The following PLEKHG4B variants were observed in gnomAD, a reference collection of about 807,000 sequenced individuals.
PLEKHG4B encodes the protein pleckstrin homology domain-containing family G member 4B.
In PLEKHG4B, 111 loss-of-function variants were observed where a neutral mutation model predicts 121.3. That is an observed-to-expected ratio of 0.92 (90% CI 0.78 to 1.07). PLEKHG4B has a LOEUF of 1.07. PLEKHG4B is among the 50% of genes least tolerant of loss of function. PLEKHG4B has a pLI of 0.00. For missense variants in PLEKHG4B, 1,831 were observed against 1,757.8 expected (o/e 1.04, Z -0.74); for synonymous variants, 738 against 725.0 (o/e 1.02, Z -0.29).
chr5:181,576 C>T lies in PLEKHG4B; in HGVS notation c.4465C>T (p.Pro1489Ser), dbSNP rs529355096. 6.2e-7 allele frequency: 1 copy of T among 1,614,126 alleles called. No individual in the cohort carries two copies. Among genetic ancestry groups the T allele is most frequent in the East Asian group, 2.2e-5 (1 of 44,890 alleles). Residue 1489 changes from proline (P) to serine (S), a missense_variant, in exon 19 of 20, where the codon CCC becomes TCC. By Grantham distance (74) the Pro-to-Ser change is moderately conservative. Transcript: ENST00000637938. ...CAACCAGCCATTCATGGATGTCAAG[C>T]CCAGAGACCGGACCCCTGACTGTGC... Reference protein sequence around the residue: ...IGNQPFMDVKPRDRTPDCAVI... With the variant: ...IGNQPFMDVKSRDRTPDCAVI...
chr5:96,749 C>T (rs921325329), intron 1 of PLEKHG4B, among the ~76,000 whole-genome samples: 2 of 152,104 alleles, frequency 1.3e-5, no homozygotes, highest in African/African-American at 4.8e-5. Flanking sequence ...AAGATACCTT[C>T]TCCCCAAAAG....
In PLEKHG4B at chr5:92,821, G is replaced by T. The variant is rs113740316; in HGVS notation, c.45+545G>T. ...CGGTGGGACAGAACAGTGATCTGTG[G>T]TGGCCCGGAACAAAGAGAATTTTTA... On this transcript the variant is annotated intron_variant, in intron 1 of 19. Transcript: ENST00000637938. Among the ~76,000 whole-genome samples, 266 of 152,250 alleles carry T rather than the reference G, an allele frequency of 1.7e-3. 1 individual carries two copies. Among genetic ancestry groups the T allele is most frequent in the African/African-American group, 5.8e-3 (239 of 41,520 alleles).
intron 1 of PLEKHG4B, among the ~76,000 whole-genome samples, chr5:98,566 C>A (rs985862907): frequency 1.4e-5 from 2 of 148,038 alleles, no homozygotes; most frequent in African/African-American, 5.0e-5. Context: ...TCCCAAGTAG[C>A]TGGGACTACA....
intron 2 of PLEKHG4B, among the ~76,000 whole-genome samples, chr5:131,572 A>G (rs1734779787): frequency 1.3e-5 from 2 of 152,202 alleles, no homozygotes; most frequent in Non-Finnish European, 2.9e-5. Flanking sequence ...CGCAGTAAAC[A>G]TACGTGTGCA....
intron 2 of PLEKHG4B, among the ~76,000 whole-genome samples, chr5:134,765 CAAA>C (rs147226236): frequency 2.4e-5 from 2 of 84,610 alleles, no homozygotes; most frequent in Admixed American, 1.4e-4. Flanking sequence ...GACTCTGTCT[CAAA>C]AAAAAAAAAA....
intron 1 of PLEKHG4B, among the ~76,000 whole-genome samples, chr5:108,119 C>T (rs963696344): frequency 6.6e-6 from 1 of 152,138 alleles, no homozygotes. Context: ...TTATGGGAAT[C>T]GGAAAACCAT....
intron 16 of PLEKHG4B, among the ~76,000 whole-genome samples, chr5:171,703 T>C (rs1736559991): frequency 1.3e-5 from 2 of 152,194 alleles, no homozygotes; most frequent in African/African-American, 4.8e-5. Context: ...TGGCAGATGT[T>C]GGCTGCCGTT....
chr5:143,902 C>T (rs1432182105), intron 5 of PLEKHG4B, among the ~76,000 whole-genome samples: 2 of 152,152 alleles, frequency 1.3e-5, no homozygotes, highest in Non-Finnish European at 2.9e-5. Flanking sequence ...TCAGTTAATC[C>T]TGGAGTTAGA....
chr5:146,053 C>T (rs10214079), intron 6 of PLEKHG4B, among the ~76,000 whole-genome samples: 27,870 of 150,726 alleles, frequency 0.18, 3,510 homozygotes, highest in African/African-American at 0.36. Flanking sequence ...CCTCCCTCCT[C>T]TCCCCCTCCA....
intron 3 of PLEKHG4B, among the ~76,000 whole-genome samples, chr5:142,594 ACAAT>A (rs1735251652): frequency 6.6e-6 from 1 of 151,888 alleles, no homozygotes; most frequent in Non-Finnish European, 1.5e-5. Flanking sequence ...CATGCCTCAC[ACAAT>A]CACACTCCAG....
intron 1 of PLEKHG4B, among the ~76,000 whole-genome samples, chr5:109,937 G>A (rs1734087740): frequency 6.6e-6 from 1 of 151,790 alleles, no homozygotes; most frequent in South Asian, 2.1e-4. Flanking sequence ...CAACACACGT[G>A]CACACACCCA....
chr5:168,015 C>G (rs1326006260), intron 13 of PLEKHG4B, among the ~76,000 whole-genome samples: 1 of 152,200 alleles, frequency 6.6e-6, no homozygotes, highest in East Asian at 1.9e-4. Context: ...CCACACTGGC[C>G]AGCCCACCTC....
At position 143,441 on chromosome 5, in the gene PLEKHG4B, C is replaced by T. The variant is rs775149226; in HGVS notation, c.1749C>T (p.Thr583=). 2 of 1,612,794 alleles carry T rather than the reference C, an allele frequency of 1.2e-6. No individual in the cohort carries two copies. The highest frequency in any genetic ancestry group is 1.3e-5 in the African/African-American group (1 of 74,926). ...TCCGCACCAGGAGCCTGCTCTGGAC[C>T]AGGGAACACTCGTCCTGTGCTGAGC... ...VQVRTRSLLW[T]REHSSCAELT... is the part of the protein sequence containing the mutation. The change falls in exon 5 of 20, where the codon ACC becomes ACT. Residue 583 remains threonine, a synonymous_variant. Coordinates refer to ENST00000637938, the MANE Select transcript of PLEKHG4B (RefSeq NM_052909.5).
At chr5:148,147 C>T (rs542886120) in intron 6 of PLEKHG4B, among the ~76,000 whole-genome samples, 8 of 151,912 alleles carry the variant, frequency 5.3e-5, no homozygotes, top group Non-Finnish European at 1.0e-4. Context: ...AAACTGAAAT[C>T]TTCTCATCTA....
In PLEKHG4B at chr5:115,527, G is replaced by T. The variant is rs146132796; in HGVS notation, c.243+2079G>T. Among the ~76,000 whole-genome samples, 490 of 152,332 alleles carry T rather than the reference G, an allele frequency of 3.2e-3. 6 individuals are homozygous for T. Among genetic ancestry groups the T allele is most frequent in the African/African-American group, 0.011 (466 of 41,564 alleles). On this transcript the variant is annotated intron_variant, in intron 2 of 19. Coordinates refer to ENST00000637938, the MANE Select transcript of PLEKHG4B (RefSeq NM_052909.5). Reference sequence around the variant, plus strand: ...GGCAGGCATTGACTTTGCCTCTCTAGCTAGGAAAGTCCCAGACAGCATCTT... The same window carrying T: ...GGCAGGCATTGACTTTGCCTCTCTATCTAGGAAAGTCCCAGACAGCATCTT...
At chr5:169,838 C>T (rs1000605615) in intron 14 of PLEKHG4B, among the ~76,000 whole-genome samples, 2 of 152,222 alleles carry the variant, frequency 1.3e-5, no homozygotes, top group South Asian at 2.1e-4. Flanking sequence ...CCCCTGGAGG[C>T]GGAGGCTCAC....
chr5:163,960 C>G (rs541208723), intron 13 of PLEKHG4B, among the ~76,000 whole-genome samples: 11 of 152,358 alleles, frequency 7.2e-5, no homozygotes, highest in African/African-American at 2.6e-4. Flanking sequence ...GCCCATTGCC[C>G]CACTGAAGAG....
intron 3 of PLEKHG4B, among the ~76,000 whole-genome samples, 156 bp downstream of exon 3, chr5:140,872 C>T (rs1735157472): frequency 1.3e-5 from 1 of 74,616 alleles, no homozygotes; most frequent in Non-Finnish European, 2.6e-5. Context: ...ACCCTCTCCC[C>T]TGCACACCCC....
chr5:123,340 G>A (rs2126371412), intron 2 of PLEKHG4B, among the ~76,000 whole-genome samples: 1 of 152,052 alleles, frequency 6.6e-6, no homozygotes, highest in South Asian at 2.1e-4. Flanking sequence ...TGTCCATAAG[G>A]GATATTAGTC....
Sources: gnomAD v4.1 joint callset for allele counts (sites outside exome capture counted in the v4.1 genomes callset) on GRCh38, gnomAD v4.1.1 for gene constraint, MANE v1.5 for transcripts, NCBI Gene and HGNC (gene_info 2026-07-23, HGNC 2026-07-21) for gene names.